Variants in SIRPG observed in about 807,000 individuals in gnomAD.
The protein encoded by SIRPG is signal regulatory protein gamma.
A neutral mutation model predicts 35.7 loss-of-function variants in SIRPG; 38 were observed. That is an observed-to-expected ratio of 1.06 (90% CI 0.82 to 1.40). The LOEUF (loss-of-function observed/expected upper bound fraction) is 1.40. Among genes scored for constraint, SIRPG ranks in the 40% most tolerant of loss-of-function variants. SIRPG has a pLI of 0.00. For missense variants in SIRPG, 519 were observed against 483.0 expected, an observed-to-expected ratio of 1.07 and a Z score of -0.70; for synonymous variants, 215 against 190.4, an observed-to-expected ratio of 1.13 and a Z score of -1.06.
At chr20:1,642,872 T>C (rs777892599) in intron 2 of SIRPG, among the ~76,000 whole-genome samples, 31 of 152,226 alleles carry the variant, frequency 2.0e-4, no homozygotes, top group Non-Finnish European at 4.4e-4. Context: ...AAAATTCTTT[T>C]GTTTAAGAAT....
chr20:1,667,336 C>T, the SIRPG span, among the ~76,000 whole-genome samples: 1 of 152,100 alleles, frequency 6.6e-6, no homozygotes, highest in Admixed American at 6.6e-5. Context: ...GTAGGCTATC[C>T]CTTCTAGGTT....
intron 1 of SIRPG, among the ~76,000 whole-genome samples, chr20:1,656,145 A>G (rs1422562644): frequency 1.3e-5 from 2 of 152,194 alleles, no homozygotes; most frequent in Non-Finnish European, 2.9e-5. Context: ...GACTGGTGTG[A>G]TGGGTGATTA....
At chr20:1,631,970 TTA>T (rs1453329443) in intron 4 of SIRPG, among the ~76,000 whole-genome samples, 3 of 152,326 alleles carry the variant, frequency 2.0e-5, no homozygotes, top group East Asian at 3.9e-4. Context: ...CTGCACTTTC[TTA>T]TCTCTTGTGG....
intron 3 of SIRPG, 108 bp downstream of exon 3, chr20:1,636,080 T>G: frequency 6.6e-7 from 1 of 1,505,402 alleles, no homozygotes; most frequent in Non-Finnish European, 9.1e-7. Flanking sequence ...GGCAGTATAG[T>G]CAGGGATTAG....
intron 4 of SIRPG, among the ~76,000 whole-genome samples, chr20:1,634,925 C>T (rs895738341): frequency 9.0e-4 from 136 of 151,792 alleles, no homozygotes; most frequent in African/African-American, 3.2e-3. Context: ...CGCCTGTAGT[C>T]CCAGCTACTC....
chr20:1,671,534 G>A, the SIRPG span, among the ~76,000 whole-genome samples: 4 of 152,204 alleles, frequency 2.6e-5, no homozygotes, highest in East Asian at 3.9e-4. Context: ...AGACCAGCTC[G>A]GTCAGGGAGA....
Position 1,636,465 on chromosome 20 carries a change from C to T in SIRPG, c.471G>A (p.Arg157=), listed in dbSNP as rs368883967. 62 of 1,614,222 alleles carry T rather than the reference C, an allele frequency of 3.8e-5. 1 individual carries two copies. Among genetic ancestry groups the T allele is most frequent in the Admixed American group, 3.0e-4 (18 of 60,032 alleles). Residue 157 remains arginine (R), a synonymous_variant, in exon 3 of 6, where the codon AGG becomes AGA. Transcript: ENST00000303415. ...SAPVVLGPAA[R]TTPEHTVSFT... Reference sequence around the variant, plus strand: ...AACTCACTGTATGCTCAGGTGTGGTCCTCGCCGCAGGGCCCAATACCACGG... The same window carrying T: ...AACTCACTGTATGCTCAGGTGTGGTTCTCGCCGCAGGGCCCAATACCACGG...
chr20:1,672,632 C>T, the SIRPG span, among the ~76,000 whole-genome samples: 120 of 152,318 alleles, frequency 7.9e-4, no homozygotes, highest in African/African-American at 2.6e-3. Context: ...AAACCTTTCC[C>T]GCACTGCTGT....
upstream of SIRPG, among the ~76,000 whole-genome samples, chr20:1,660,159 A>G (rs1167065874): frequency 6.6e-6 from 1 of 152,254 alleles, no homozygotes; most frequent in Non-Finnish European, 1.5e-5. Context: ...TGAGGTAACA[A>G]CAACCATCTT....
chr20:1,649,294 G>A lies in SIRPG; in HGVS notation c.188C>T (p.Pro63Leu). Residue 63 changes from proline to leucine, a missense_variant, in exon 2 of 6, where the codon CCC (proline) becomes CTC (leucine). Physicochemically the swap from Pro to Leu is moderately conservative, Grantham distance 98. Coordinates refer to ENST00000303415, the MANE Select transcript of SIRPG (RefSeq NM_018556.4). ...CTVTSLLPVGPVLWFRGVGPG... is the reference protein window; with the variant it reads ...CTVTSLLPVGLVLWFRGVGPG... ...TCCAACTCCTCTGAACCACAGGACG[G>A]GTCCCACGGGAAGCAGGGAGGTCAC... 7 of 1,614,078 alleles carry A rather than the reference G, an allele frequency of 4.3e-6. No individual in the cohort carries two copies. The highest frequency in any genetic ancestry group is 5.9e-6 in the Non-Finnish European group (7 of 1,180,000).
chr20:1,629,701 T>G (rs1568720622), intron 5 of SIRPG, 65 bp from the exon 6 acceptor site: 1 of 154,328 alleles, frequency 6.5e-6, no homozygotes, highest in Admixed American at 6.5e-5. Context: ...CCTGAGAGTC[T>G]GTTATGTTCT....
chr20:1,656,453 C>CG (rs2091976666), intron 1 of SIRPG, among the ~76,000 whole-genome samples: 2 of 152,200 alleles, frequency 1.3e-5, no homozygotes, highest in Non-Finnish European at 2.9e-5. Flanking sequence ...ACTATTACTG[C>CG]TGTCATTTGG....
the SIRPG span, among the ~76,000 whole-genome samples, chr20:1,684,288 C>T: frequency 3.3e-5 from 5 of 151,962 alleles, no homozygotes; most frequent in African/African-American, 4.8e-5. Context: ...ATGCTTTTCT[C>T]AAACAAAAAT....
chr20:1,649,121 T>C lies in SIRPG; in HGVS notation c.361A>G (p.Lys121Glu). ...TTCTCAGGGCTCCCTTTTCGAAACTTCACACAGTAGTATGTGCCGACATCT... is the reference window on the plus strand; with the variant it reads ...TTCTCAGGGCTCCCTTTTCGAAACTCCACACAGTAGTATGTGCCGACATCT... ...PADVGTYYCV[K>E]FRKGSPENVE... is the part of the protein sequence containing the mutation. The change falls in exon 2 of 6, where the codon AAG (lysine) becomes GAG (glutamate). Residue 121 changes from lysine (K) to glutamate (E), a missense_variant. Lys to Glu is a moderately conservative substitution (Grantham distance 56). Transcript: ENST00000303415. 6.2e-7 allele frequency: 1 copy of C among 1,613,954 alleles called. No individual in the cohort carries two copies. The highest frequency in any genetic ancestry group is 1.3e-5 in the African/African-American group (1 of 75,016).
At chr20:1,675,991 T>G in the SIRPG span, among the ~76,000 whole-genome samples, 1 of 152,160 alleles carries the variant, frequency 6.6e-6, no homozygotes, top group Non-Finnish European at 1.5e-5. Context: ...GCCTCCCTCC[T>G]TTCTCATCCA....
chr20:1,678,196 A>G, the SIRPG span, among the ~76,000 whole-genome samples: 1 of 152,084 alleles, frequency 6.6e-6, no homozygotes. Context: ...GTGCTTCTCT[A>G]ACTCCTAATT....
At chr20:1,636,719 C>T (rs2091806277) in intron 2 of SIRPG, among the ~76,000 whole-genome samples, 1 of 151,066 alleles carries the variant, frequency 6.6e-6, no homozygotes, top group Non-Finnish European at 1.5e-5. Flanking sequence ...GGGAAAGGTC[C>T]CAGAGGGAAG....
intron 2 of SIRPG, among the ~76,000 whole-genome samples, chr20:1,639,247 A>G (rs1443203172): frequency 1.3e-5 from 2 of 152,102 alleles, no homozygotes; most frequent in African/African-American, 4.8e-5. Flanking sequence ...AGAATGTAAA[A>G]ACGCTCCTAT....
the SIRPG span, among the ~76,000 whole-genome samples, chr20:1,685,207 A>G: frequency 2.0e-5 from 3 of 152,296 alleles, no homozygotes; most frequent in African/African-American, 7.2e-5. Flanking sequence ...AAGGGAAAAT[A>G]AATTCTCCAT....
Sources: allele counts gnomAD v4.1 joint callset (sites outside exome capture counted in the v4.1 genomes callset), GRCh38; gene constraint gnomAD v4.1.1; transcripts MANE v1.5; gene names NCBI Gene and HGNC (gene_info 2026-07-23, HGNC 2026-07-21).